Variants in BTBD7 observed in about 807,000 individuals in gnomAD.
BTBD7 encodes the protein BTB domain containing 7.
Under a neutral mutation model 99.9 loss-of-function variants are expected in BTBD7, and 38 were observed. That is an observed-to-expected ratio of 0.38 (90% CI 0.29 to 0.50). The LOEUF is 0.50. Among genes scored for constraint, BTBD7 ranks in the 20% least tolerant of loss-of-function variants. The pLI is 0.93. For synonymous variants in BTBD7, 520 were observed against 511.4 expected (o/e 1.02, Z -0.23); for missense variants, 1,170 against 1,394.6 (o/e 0.84, Z 2.57).
chr14:93,257,441 G>T, intron 5 of BTBD7, 86 bp from the exon 6 acceptor site: 2 of 1,259,210 alleles, frequency 1.6e-6, no homozygotes, highest in Non-Finnish European at 2.2e-6. Context: ...TACACTAACA[G>T]TACCACTCTA....
chr14:93,242,509 T>G lies in BTBD7; in HGVS notation c.3163A>C (p.Arg1055=), dbSNP rs1262630022. The G allele has an allele frequency of 6.2e-7, 1 of 1,614,084 alleles. No individual in the cohort carries two copies. Residue 1055 remains arginine (R), a synonymous_variant, in exon 11 of 11, where the codon AGG becomes CGG. Coordinates refer to ENST00000334746, the MANE Select transcript of BTBD7 (RefSeq NM_001002860.4). ...ENASTGPAHV[R]GRTAVETDLT... ...TCAGTTTCTACTGCAGTTCGTCCCC[T>G]GACATGGGCTGGACCGGTACTAGCA... is the stretch of plus-strand genomic sequence containing the variant.
chr14:93,298,066 C>T (rs1338897132), intron 1 of BTBD7, among the ~76,000 whole-genome samples: 1 of 151,956 alleles, frequency 6.6e-6, no homozygotes, highest in Non-Finnish European at 1.5e-5. Flanking sequence ...GTTTGTTTTG[C>T]TTTTTTATTT....
At chr14:93,303,588 A>T (rs894237486) in intron 1 of BTBD7, among the ~76,000 whole-genome samples, 7 of 152,288 alleles carry the variant, frequency 4.6e-5, no homozygotes, top group African/African-American at 1.7e-4. Context: ...ACATCTTAAA[A>T]GATGTTAAAA....
At chr14:93,317,843 ACAAGCTAGACAGAGGGTGCC>A (rs2053224766) in intron 1 of BTBD7, among the ~76,000 whole-genome samples, 1 of 152,182 alleles carries the variant, frequency 6.6e-6, no homozygotes. Context: ...GGAATTTGGT[ACAAGCTAGACAGAGGGTGCC>A]TATGTGATTA....
intron 4 of BTBD7, 150 bp downstream of exon 4, chr14:93,263,635 G>C (rs1022709848): frequency 2.9e-6 from 2 of 683,090 alleles, no homozygotes; most frequent in Admixed American, 5.7e-5. Context: ...GGCTTTTGTT[G>C]TACAACTATG....
At chr14:93,255,523 T>G (rs1566837734) in intron 6 of BTBD7, 1 of 151,902 alleles carries the variant, frequency 6.6e-6, no homozygotes, top group Non-Finnish European at 1.5e-5. Flanking sequence ...CTTCTTTTTT[T>G]TTTGATACAG....
chr14:93,275,877 C>A (rs999916755), intron 3 of BTBD7, among the ~76,000 whole-genome samples: 5 of 152,134 alleles, frequency 3.3e-5, no homozygotes, highest in African/African-American at 4.8e-5. Flanking sequence ...TGGTACATGA[C>A]CATTTATCCA....
intron 1 of BTBD7, among the ~76,000 whole-genome samples, chr14:93,327,815 G>T (rs749537341): frequency 2.6e-5 from 4 of 152,062 alleles, no homozygotes; most frequent in Non-Finnish European, 4.4e-5. Context: ...ATCCAAATTC[G>T]AAAGCAAGAA....
At chr14:93,324,723 C>T (rs1228226012) in intron 1 of BTBD7, among the ~76,000 whole-genome samples, 3 of 152,156 alleles carry the variant, frequency 2.0e-5, no homozygotes, top group Non-Finnish European at 4.4e-5. Context: ...ATGTCTACTT[C>T]CCTTCAAATC....
chr14:93,318,347 G>A (rs1204327705), intron 1 of BTBD7, among the ~76,000 whole-genome samples: 1 of 152,152 alleles, frequency 6.6e-6, no homozygotes, highest in Non-Finnish European at 1.5e-5. Flanking sequence ...GAGGCATGAG[G>A]GGGGCTTTTG....
At chr14:93,252,748 T>A (rs551179476) in intron 7 of BTBD7, among the ~76,000 whole-genome samples, 10 of 152,204 alleles carry the variant, frequency 6.6e-5, no homozygotes, top group African/African-American at 1.7e-4. Flanking sequence ...TCTGTTAAAT[T>A]TACTTCAGAA....
chr14:93,303,128 C>G (rs1454879094), intron 1 of BTBD7, among the ~76,000 whole-genome samples: 2 of 152,180 alleles, frequency 1.3e-5, no homozygotes, highest in African/African-American at 4.8e-5. Flanking sequence ...CATTATACTT[C>G]TGTTACAGAA....
chr14:93,268,400 C>T (rs904294608), intron 3 of BTBD7, among the ~76,000 whole-genome samples: 5 of 152,128 alleles, frequency 3.3e-5, no homozygotes, highest in African/African-American at 9.7e-5. Flanking sequence ...AGTTCCTTTT[C>T]GGTAAAAGCC....
At chr14:93,326,418 G>A (rs888889818) in intron 1 of BTBD7, among the ~76,000 whole-genome samples, 4 of 152,202 alleles carry the variant, frequency 2.6e-5, no homozygotes, top group African/African-American at 4.8e-5. Flanking sequence ...GGTGAGTCGT[G>A]ATTGCACCAC....
intron 1 of BTBD7, among the ~76,000 whole-genome samples, chr14:93,315,860 A>G (rs923799110): frequency 6.6e-6 from 1 of 151,978 alleles, no homozygotes; most frequent in East Asian, 1.9e-4. Context: ...CTTTTTGGTT[A>G]TTATGAATAA....
Position 93,268,947 on chromosome 14 carries a change from C to T in BTBD7, c.1163-4954G>A, listed in dbSNP as rs1312709897. Reference sequence around the variant, plus strand: ...CTAATTTTTTATATTTTAGTAGAGACGGGGTTTCACCATGTTGGCCAGGCT... The same window carrying T: ...CTAATTTTTTATATTTTAGTAGAGATGGGGTTTCACCATGTTGGCCAGGCT... On this transcript the variant is annotated intron_variant, in intron 3 of 10. Transcript: ENST00000334746. 2.6e-5 allele frequency among the ~76,000 whole-genome samples: 4 copies of T among 152,022 alleles called. No homozygotes were observed. The East Asian group carries it at 7.7e-4, about 29-fold the overall frequency.
At position 93,240,102 on chromosome 14, in the gene BTBD7, C is replaced by A. The variant is rs2052206761; in HGVS notation, c.*2171G>T. ...GAGTCAAACTTCTTACAAATGAGAA[C>A]AGAGGCCTATGCTTTTCTCTTTAAA... is the stretch of plus-strand genomic sequence containing the variant. On this transcript the variant is annotated 3_prime_UTR_variant, in exon 11 of 11. Transcript: ENST00000334746. 1 of 152,218 alleles carries A rather than the reference C, an allele frequency of 6.6e-6. No homozygotes were observed. The highest frequency in any genetic ancestry group is 2.1e-4 in the South Asian group (1 of 4,836). 9.4% of individuals were successfully genotyped at this position (152,218 alleles called of 1,614,324 possible).
intron 6 of BTBD7, among the ~76,000 whole-genome samples, chr14:93,254,871 G>T (rs1312006817): frequency 6.6e-6 from 1 of 152,210 alleles, no homozygotes; most frequent in African/African-American, 2.4e-5. Context: ...GTTAGGCACG[G>T]AGTTAAGAGC....
chr14:93,300,770 GTGTA>G (rs1297740500), intron 1 of BTBD7, among the ~76,000 whole-genome samples: 57 of 36,314 alleles, frequency 1.6e-3, no homozygotes, highest in East Asian at 3.2e-3. Context: ...GTGTGTGTGT[GTGTA>G]TATATATATA....
Sources: gnomAD v4.1 joint callset for allele counts (sites outside exome capture counted in the v4.1 genomes callset) on GRCh38, gnomAD v4.1.1 for gene constraint, MANE v1.5 for transcripts, NCBI Gene and HGNC (gene_info 2026-07-23, HGNC 2026-07-21) for gene names.